The following SAMD5 variants were observed in gnomAD, a reference collection of about 807,000 sequenced individuals.
SAMD5 encodes sterile alpha motif domain-containing protein 5.
A neutral mutation model predicts 11.3 loss-of-function variants in SAMD5; 13 were observed. The observed-to-expected ratio is 1.15, with a 90% CI of 0.75 to 1.83. The LOEUF is 1.83. Ranked by LOEUF, SAMD5 falls within the 40% of genes most tolerant of loss-of-function variation. SAMD5 has a pLI of 0.00. For missense variants in SAMD5, 255 were observed against 239.1 expected (o/e 1.07, Z -0.44); for synonymous variants, 129 against 111.3 (o/e 1.16, Z -1.00).
chr6:147,718,985 C>G (rs541185248), intron 1 of SAMD5, among the ~76,000 whole-genome samples: 2 of 152,330 alleles, frequency 1.3e-5, no homozygotes, highest in East Asian at 3.9e-4. Context: ...GCCACCGCGC[C>G]CGGCCGAAGT....
the SAMD5 span, among the ~76,000 whole-genome samples, chr6:147,847,273 A>G: frequency 6.6e-6 from 1 of 152,212 alleles, no homozygotes; most frequent in Admixed American, 6.5e-5. Context: ...GTCTAATTCA[A>G]GTGTTCTCAT....
At chr6:147,894,248 C>T in the SAMD5 span, among the ~76,000 whole-genome samples, 537 of 151,990 alleles carry the variant, frequency 3.5e-3, 4 homozygotes, top group African/African-American at 0.012. Context: ...CTCAGCCTCC[C>T]GAGTAGCTGG....
intron 1 of SAMD5, among the ~76,000 whole-genome samples, chr6:147,578,518 G>T (rs1403580448): frequency 6.6e-6 from 1 of 152,040 alleles, no homozygotes; most frequent in Non-Finnish European, 1.5e-5. Flanking sequence ...TATAATAAGG[G>T]ATGAATTTGT....
chr6:147,909,562 TTC>T, the SAMD5 span, among the ~76,000 whole-genome samples: 2 of 26,698 alleles, frequency 7.5e-5, no homozygotes, highest in Admixed American at 4.1e-4. Flanking sequence ...TCCATCTTTT[TTC>T]TTTCTTTCTT....
chr6:147,832,278 G>C, the SAMD5 span, among the ~76,000 whole-genome samples: 3 of 152,104 alleles, frequency 2.0e-5, no homozygotes, highest in Non-Finnish European at 2.9e-5. Context: ...AAGATTATTA[G>C]GGGCAGGCAT....
chr6:147,512,011 A>G (rs1031155326), intron 1 of SAMD5, among the ~76,000 whole-genome samples: 8 of 152,158 alleles, frequency 5.3e-5, no homozygotes, highest in African/African-American at 1.7e-4. Context: ...GCTGGAGTGC[A>G]GTGCCAGATC....
intron 1 of SAMD5, among the ~76,000 whole-genome samples, chr6:147,594,361 G>A (rs1789499115): frequency 6.6e-6 from 1 of 152,122 alleles, no homozygotes. Flanking sequence ...GTTAACAGCT[G>A]TTGTAAAAGG....
chr6:147,571,982 CT>C (rs143834984), downstream of SAMD5, among the ~76,000 whole-genome samples: 2,342 of 128,014 alleles, frequency 0.018, 34 homozygotes, highest in African/African-American at 0.057. Context: ...GTAATTTCAA[CT>C]TTTTTTTTTT....
intron 1 of SAMD5, among the ~76,000 whole-genome samples, chr6:147,703,470 A>G (rs1234210197): frequency 6.6e-6 from 1 of 152,206 alleles, no homozygotes. Flanking sequence ...GTATCTTACC[A>G]TTAAGTAGTT....
chr6:147,621,594 G>A (rs565293621), intron 1 of SAMD5, among the ~76,000 whole-genome samples: 2 of 152,346 alleles, frequency 1.3e-5, no homozygotes, highest in East Asian at 3.9e-4. Context: ...TTCTTCGCTA[G>A]TGATGATTTG....
chr6:147,769,181 G>A, the SAMD5 span, among the ~76,000 whole-genome samples: 1 of 152,232 alleles, frequency 6.6e-6, no homozygotes, highest in Non-Finnish European at 1.5e-5. Flanking sequence ...ACAAAGCAAA[G>A]AGACTGTGCC....
intron 1 of SAMD5, among the ~76,000 whole-genome samples, chr6:147,712,144 A>G (rs1791409410): frequency 6.6e-6 from 1 of 152,164 alleles, no homozygotes; most frequent in Admixed American, 6.6e-5. Context: ...GCACAATACT[A>G]TCTTCTATAT....
Position 147,514,358 on chromosome 6 carries a change from A to T in SAMD5, c.459+4971A>T, listed in dbSNP as rs531285173. The stretch of plus-strand genomic sequence containing the variant: ...AACCAGTGAGGGAGGAGATGGAAGG[A>T]TTAGAGGTTTAAGGAGAACATTGTA... On this transcript the variant is annotated intron_variant, in intron 1 of 1. Coordinates refer to ENST00000367474, the MANE Select transcript of SAMD5 (RefSeq NM_001030060.3). Among the ~76,000 whole-genome samples, 6 of 152,008 alleles carry T rather than the reference A, an allele frequency of 3.9e-5. No individual in the cohort carries two copies. The South Asian group carries it at 1.2e-3, about 32-fold the overall frequency.
At chr6:147,756,623 C>T in the SAMD5 span, among the ~76,000 whole-genome samples, 2 of 152,148 alleles carry the variant, frequency 1.3e-5, no homozygotes, top group African/African-American at 4.8e-5. Context: ...ATTTAGGAGT[C>T]ATTTGATTTT....
chr6:147,921,213 A>G, the SAMD5 span, among the ~76,000 whole-genome samples: 945 of 151,952 alleles, frequency 6.2e-3, 4 homozygotes, highest in Middle Eastern at 0.024. Context: ...GTGGTTGTCT[A>G]TAAAATTCAT....
the SAMD5 span, among the ~76,000 whole-genome samples, chr6:147,922,097 C>A: frequency 6.6e-6 from 1 of 152,102 alleles, no homozygotes; most frequent in Admixed American, 6.5e-5. Flanking sequence ...TAGGTCACTT[C>A]CCCAGTATAC....
intron 1 of SAMD5, among the ~76,000 whole-genome samples, chr6:147,699,749 T>C (rs1791226337): frequency 6.6e-6 from 1 of 152,144 alleles, no homozygotes; most frequent in Admixed American, 6.5e-5. Flanking sequence ...AACCAGCGAG[T>C]TGTAAATTCT....
chr6:147,721,696 T>G (rs951828064), intron 1 of SAMD5, among the ~76,000 whole-genome samples: 3 of 152,220 alleles, frequency 2.0e-5, no homozygotes, highest in East Asian at 1.9e-4. Context: ...AGAAGCTCTT[T>G]AGTTTAATTA....
At chr6:147,797,370 T>A in the SAMD5 span, among the ~76,000 whole-genome samples, 11 of 128,930 alleles carry the variant, frequency 8.5e-5, no homozygotes, top group African/African-American at 3.9e-4. Context: ...TGGATTACAT[T>A]TATTGATTTG....
Sources: gnomAD v4.1 joint callset for allele counts (sites outside exome capture counted in the v4.1 genomes callset) on GRCh38, gnomAD v4.1.1 for gene constraint, MANE v1.5 for transcripts, NCBI Gene and HGNC (gene_info 2026-07-23, HGNC 2026-07-21) for gene names.